CDH9: variants seen among roughly 807,000 people sequenced by gnomAD.
CDH9 encodes the protein cadherin 9.
CDH9 carries 28 observed loss-of-function variants against 70.9 expected under a neutral mutation model. The observed-to-expected ratio is 0.40, with a 90% CI of 0.29 to 0.54. The LOEUF (loss-of-function observed/expected upper bound fraction) is 0.54, where lower values mean the gene tolerates loss of function less well. Among genes scored for constraint, CDH9 ranks in the 20% least tolerant of loss-of-function variants. The probability of loss-of-function intolerance (pLI) is 0.59; values close to 1 mark genes in which losing one functional copy is unlikely to be tolerated. For synonymous variants in CDH9, 409 were observed against 343.1 expected, an observed-to-expected ratio of 1.19 and a Z score of -2.12; for missense variants, 874 against 984.4, an observed-to-expected ratio of 0.89 and a Z score of 1.50.
intron 2 of CDH9, among the ~76,000 whole-genome samples, chr5:26,974,709 G>C (rs748657864): frequency 1.1e-4 from 16 of 152,068 alleles, no homozygotes; most frequent in Non-Finnish European, 1.9e-4. Context: ...AATACAAAAT[G>C]TATCTACTTA....
In CDH9 at chr5:26,892,975, C is replaced by T. The variant is rs190460009; in HGVS notation, c.1254-2411G>A. On this transcript the variant is annotated intron_variant, in intron 7 of 11. Transcript: ENST00000231021. ...GTCTCGATCTCATGACCTCGTGATC[C>T]GCCTGCCTTGGCCTCCCAAAGTGCT... Among the ~76,000 whole-genome samples, 104 of 152,138 alleles carry T rather than the reference C, an allele frequency of 6.8e-4. 1 individual carries two copies. The highest frequency in any genetic ancestry group is 6.8e-3 in the Middle Eastern group (2 of 294).
intron 1 of CDH9, among the ~76,000 whole-genome samples, chr5:27,002,206 C>G (rs1032966272): frequency 1.5e-4 from 23 of 152,100 alleles, no homozygotes; most frequent in Admixed American, 1.4e-3. Flanking sequence ...AAATGCAAAT[C>G]AAAACCACAA....
At chr5:26,891,922 C>T (rs1740667101) in intron 7 of CDH9, among the ~76,000 whole-genome samples, 1 of 152,234 alleles carries the variant, frequency 6.6e-6, no homozygotes, top group Admixed American at 6.5e-5. Flanking sequence ...CCCCACACAA[C>T]TGCAAGGACT....
intron 2 of CDH9, among the ~76,000 whole-genome samples, chr5:26,975,132 C>A (rs752690740): frequency 9.2e-5 from 14 of 152,104 alleles, no homozygotes; most frequent in Non-Finnish European, 1.8e-4. Context: ...CAGAATTGCC[C>A]TGGAAAGAAG....
At chr5:26,939,473 T>A (rs966855006) in intron 2 of CDH9, among the ~76,000 whole-genome samples, 4 of 151,620 alleles carry the variant, frequency 2.6e-5, no homozygotes, top group Non-Finnish European at 5.9e-5. Context: ...CATATGTATA[T>A]ATACTGTCTC....
At chr5:26,984,174 A>T (rs2112087461) in intron 2 of CDH9, among the ~76,000 whole-genome samples, 1 of 152,266 alleles carries the variant, frequency 6.6e-6, no homozygotes, top group South Asian at 2.1e-4. Context: ...AAAAGTTTCT[A>T]AATTAAAATT....
chr5:26,914,478 G>A (rs1485483509), intron 3 of CDH9, among the ~76,000 whole-genome samples: 1 of 151,948 alleles, frequency 6.6e-6, no homozygotes, highest in Non-Finnish European at 1.5e-5. Flanking sequence ...AGAGCTTTAT[G>A]ATTTCACAGG....
At chr5:26,910,559 T>C (rs1193080805) in intron 3 of CDH9, among the ~76,000 whole-genome samples, 2 of 152,190 alleles carry the variant, frequency 1.3e-5, no homozygotes, top group East Asian at 3.9e-4. Flanking sequence ...TCCATATGTC[T>C]GGAGTGGTTG....
At chr5:26,906,690 A>G in intron 4 of CDH9, 29 bp downstream of exon 4, 1 of 1,610,786 alleles carries the variant, frequency 6.2e-7, no homozygotes, top group Non-Finnish European at 8.5e-7. Context: ...ATTATACAAT[A>G]AGAAGTCAGC....
chr5:26,963,397 A>G (rs543055301), intron 2 of CDH9, among the ~76,000 whole-genome samples: 1 of 152,278 alleles, frequency 6.6e-6, no homozygotes, highest in Admixed American at 6.5e-5. Context: ...TATATAGAAA[A>G]TAGAGTTAAT....
intron 1 of CDH9, among the ~76,000 whole-genome samples, chr5:26,996,406 G>A (rs1380500359): frequency 6.6e-6 from 1 of 151,828 alleles, no homozygotes; most frequent in East Asian, 1.9e-4. Context: ...ATAATTTTGT[G>A]GTTTTGGAAA....
chr5:27,018,376 T>C (rs746032110), intron 1 of CDH9, among the ~76,000 whole-genome samples: 4 of 151,716 alleles, frequency 2.6e-5, no homozygotes, highest in Non-Finnish European at 4.4e-5. Flanking sequence ...AATTCAGAGA[T>C]AAAAATATCA....
At chr5:26,962,182 T>A (rs1394097516) in intron 2 of CDH9, among the ~76,000 whole-genome samples, 1 of 152,158 alleles carries the variant, frequency 6.6e-6, no homozygotes, top group African/African-American at 2.4e-5. Context: ...TTCATAGTAT[T>A]CCATGGTGTA....
At chr5:26,909,528 T>C (rs1223517096) in intron 3 of CDH9, among the ~76,000 whole-genome samples, 1 of 148,954 alleles carries the variant, frequency 6.7e-6, no homozygotes, top group Admixed American at 6.7e-5. Context: ...TTTGAGACCA[T>C]TTTTTTTCTT....
chr5:26,968,882 ATGC>A (rs1349779063), intron 2 of CDH9, among the ~76,000 whole-genome samples: 1 of 152,206 alleles, frequency 6.6e-6, no homozygotes, highest in Non-Finnish European at 1.5e-5. Context: ...CATGTATATA[ATGC>A]AAAGTTAATA....
chr5:26,952,650 A>AG (rs1304994513), intron 2 of CDH9, among the ~76,000 whole-genome samples: 106 of 144,706 alleles, frequency 7.3e-4, no homozygotes, highest in Non-Finnish European at 1.2e-3. Flanking sequence ...AAAAAAAAAA[A>AG]AAAAAGAAAG....
chr5:27,038,361 C>T (rs1318742415), intron 1 of CDH9, 102 bp downstream of exon 1: 2 of 151,248 alleles, frequency 1.3e-5, no homozygotes, highest in African/African-American at 4.9e-5. Context: ...AGAGAGAGAG[C>T]AAAATATAGC....
intron 2 of CDH9, among the ~76,000 whole-genome samples, chr5:26,972,127 A>G (rs982734646): frequency 1.3e-4 from 20 of 152,184 alleles, no homozygotes; most frequent in Admixed American, 1.3e-4. Context: ...ACATTGTGAC[A>G]TGTAATTTAG....
intron 1 of CDH9, among the ~76,000 whole-genome samples, chr5:27,033,425 T>C (rs1355089199): frequency 6.6e-6 from 1 of 151,136 alleles, no homozygotes; most frequent in Non-Finnish European, 1.5e-5. Flanking sequence ...TACAGAAATA[T>C]GAATGAAGAA....
Sources: gnomAD v4.1 joint callset for allele counts (sites outside exome capture counted in the v4.1 genomes callset) on GRCh38, gnomAD v4.1.1 for gene constraint, MANE v1.5 for transcripts, NCBI Gene and HGNC (gene_info 2026-07-23, HGNC 2026-07-21) for gene names.